Variants in BID observed in about 807,000 individuals in gnomAD.
BID encodes the protein BH3-interacting domain death agonist.
In BID, 19 loss-of-function variants were observed where a neutral mutation model predicts 17.4. The ratio of observed to expected loss-of-function variants is 1.09; its 90% CI spans 0.76 to 1.60. The LOEUF (loss-of-function observed/expected upper bound fraction) is 1.60. Ranked by LOEUF, BID falls within the 40% of genes most tolerant of loss-of-function variation. The pLI is 0.00. For synonymous variants in BID, 108 were observed against 102.8 expected (o/e 1.05, Z -0.31); for missense variants, 226 against 256.0 (o/e 0.88, Z 0.80).
At chr22:17,756,508 CTGT>C in intron 1 of BID, among the ~76,000 whole-genome samples, 8 of 123,778 alleles carry the variant, frequency 6.5e-5, no homozygotes, top group Middle Eastern at 4.0e-3. Flanking sequence ...CTCTCTCTTT[CTGT>C]CTGTCTCTCT....
intron 1 of BID, among the ~76,000 whole-genome samples, chr22:17,771,930 C>T (rs2061723811): frequency 6.6e-6 from 1 of 152,222 alleles, no homozygotes; most frequent in Non-Finnish European, 1.5e-5. Context: ...AGCGAGGCCA[C>T]AGAAAGGCTC....
In BID at chr22:17,767,058, T is replaced by C. The variant is rs528038463; in HGVS notation, c.-59+7323A>G. Among the ~76,000 whole-genome samples, 31 of 151,838 alleles carry C rather than the reference T, an allele frequency of 2.0e-4. No individual in the cohort carries two copies. The South Asian group carries it at 6.1e-3, about 30-fold the overall frequency. On this transcript the variant is annotated intron_variant, in intron 1 of 5. Transcript: ENST00000622694. The stretch of plus-strand genomic sequence containing the variant: ...GGCCAACATGGTGAAACCCCATCTC[T>C]ACTAAAAATACAAAAATTAGCTGGG...
At chr22:17,768,951 A>G (rs937455345) in intron 1 of BID, among the ~76,000 whole-genome samples, 3 of 150,824 alleles carry the variant, frequency 2.0e-5, no homozygotes, top group African/African-American at 7.3e-5. Flanking sequence ...CTGAGACAGG[A>G]GAATGGCGTG....
intron 1 of BID, among the ~76,000 whole-genome samples, chr22:17,757,497 A>C (rs1223295102): frequency 1.3e-5 from 2 of 151,022 alleles, no homozygotes; most frequent in African/African-American, 4.9e-5. Flanking sequence ...TCACAAGGTC[A>C]GGAGATCCAG....
intron 1 of BID, among the ~76,000 whole-genome samples, chr22:17,761,017 G>A (rs1254021622): frequency 6.6e-6 from 1 of 152,108 alleles, no homozygotes; most frequent in Non-Finnish European, 1.5e-5. Flanking sequence ...CATACACACC[G>A]AACCAAGGAG....
chr22:17,758,286 T>C (rs2061609144), intron 1 of BID, among the ~76,000 whole-genome samples: 1 of 152,330 alleles, frequency 6.6e-6, no homozygotes, highest in Non-Finnish European at 1.5e-5. Context: ...CCTCAGTTCC[T>C]CTAGAAGTGG....
At chr22:17,743,291 C>T (rs1479745990) in intron 3 of BID, among the ~76,000 whole-genome samples, 8 of 152,192 alleles carry the variant, frequency 5.3e-5, no homozygotes, top group Non-Finnish European at 8.8e-5. Context: ...AGGCAGGGGC[C>T]GCACCGGTAG....
upstream of BID, chr22:17,774,574 G>C (rs868711723): frequency 1.4e-4 from 21 of 149,840 alleles, no homozygotes; most frequent in South Asian, 2.3e-3. Flanking sequence ...AGCCCGCGCC[G>C]GCGCGGGGCT....
chr22:17,749,324 C>A (rs909269972), intron 2 of BID, among the ~76,000 whole-genome samples: 15 of 152,134 alleles, frequency 9.9e-5, no homozygotes, highest in Admixed American at 5.9e-4. Flanking sequence ...GGGCTCCGGG[C>A]TCCCCTCCCA....
intron 1 of BID, among the ~76,000 whole-genome samples, chr22:17,751,641 G>C (rs2061541019): frequency 6.6e-6 from 1 of 152,196 alleles, no homozygotes; most frequent in Non-Finnish European, 1.5e-5. Context: ...GCAGGAGGTA[G>C]CACTGACATG....
intron 3 of BID, 74 bp from the exon 4 acceptor site, chr22:17,739,562 T>C (rs924799121): frequency 6.5e-6 from 10 of 1,541,300 alleles, no homozygotes; most frequent in Admixed American, 1.8e-5. Context: ...CACACCACCC[T>C]GCCCCGGGAA....
chr22:17,736,313 C>T (rs1476863384), intron 5 of BID, among the ~76,000 whole-genome samples: 3 of 151,916 alleles, frequency 2.0e-5, no homozygotes, highest in East Asian at 1.9e-4. Context: ...CAAAATTAGC[C>T]GGTCATGGTG....
intron 3 of BID, chr22:17,739,777 C>T (rs1050041115): frequency 5.2e-6 from 3 of 579,372 alleles, no homozygotes; most frequent in Non-Finnish European, 6.2e-6. Flanking sequence ...ATCACGACCA[C>T]GCCTGAGGTA....
intron 1 of BID, among the ~76,000 whole-genome samples, chr22:17,767,160 G>A (rs1208116373): frequency 3.3e-5 from 5 of 151,168 alleles, no homozygotes; most frequent in Non-Finnish European, 7.4e-5. Context: ...GGAGGCAGAG[G>A]TTGCAGTGAG....
intron 1 of BID, among the ~76,000 whole-genome samples, chr22:17,767,699 G>C (rs1353393230): frequency 1.3e-5 from 2 of 152,150 alleles, no homozygotes; most frequent in African/African-American, 4.8e-5. Flanking sequence ...CCAAGCCATG[G>C]GTAAGCCCGA....
At chr22:17,764,432 T>A (rs1385497455) in intron 1 of BID, among the ~76,000 whole-genome samples, 2 of 152,178 alleles carry the variant, frequency 1.3e-5, no homozygotes, top group East Asian at 3.8e-4. Context: ...AGCCCACACC[T>A]GGGCAAGTAG....
rs776448518 is a variant in BID, at chr22:17,739,349, C to T, written c.363G>A (p.Glu121=). The T allele has an allele frequency of 1.3e-6, 2 of 1,587,700 alleles. No individual in the cohort carries two copies. The highest frequency in any genetic ancestry group is 1.3e-5 in the African/African-American group (1 of 74,778). ...ACGCGGTCCTCAGGCCCTCACTCAC[C>T]TCCTCCGACCGGCTGGTGTTCCTGA... ...LQLRNTSRSE[E]DRNRDLATAL... Residue 121 remains glutamate (E), a splice_region_variant and synonymous_variant, in exon 4 of 6, where the codon GAG becomes GAA. Coordinates refer to ENST00000622694, the MANE Select transcript of BID (RefSeq NM_001196.4).
chr22:17,763,309 T>C (rs941346383), intron 1 of BID, among the ~76,000 whole-genome samples: 2 of 151,410 alleles, frequency 1.3e-5, no homozygotes, highest in Non-Finnish European at 2.9e-5. Context: ...AGTGGCACAA[T>C]CTTGGCTCAC....
intron 1 of BID, among the ~76,000 whole-genome samples, chr22:17,760,990 C>G (rs900549677): frequency 7.2e-5 from 11 of 152,340 alleles, no homozygotes; most frequent in Non-Finnish European, 1.5e-4. Context: ...GAATTATTTC[C>G]ATGAATAACA....
Sources: allele counts gnomAD v4.1 joint callset (sites outside exome capture counted in the v4.1 genomes callset), GRCh38; gene constraint gnomAD v4.1.1; transcripts MANE v1.5; gene names NCBI Gene and HGNC (gene_info 2026-07-23, HGNC 2026-07-21).